BCL10: variants seen among roughly 807,000 people sequenced by gnomAD.
BCL10 encodes B-cell lymphoma/leukemia 10.
A neutral mutation model predicts 19.2 loss-of-function variants in BCL10; 5 were observed. The ratio of observed to expected loss-of-function variants is 0.26; its 90% CI spans 0.14 to 0.55. The LOEUF (loss-of-function observed/expected upper bound fraction) is 0.55. Ranked by LOEUF, BCL10 falls within the 20% of genes least tolerant of loss-of-function variation. The pLI, the probability that BCL10 is intolerant of heterozygous loss-of-function variation, is 0.94. For synonymous variants in BCL10, 110 were observed against 98.8 expected (o/e 1.11, Z -0.67); for missense variants, 201 against 271.9 (o/e 0.74, Z 1.83).
intron 2 of BCL10, among the ~76,000 whole-genome samples, chr1:85,270,380 C>T (rs187162849): frequency 2.0e-5 from 3 of 152,328 alleles, no homozygotes; most frequent in Admixed American, 2.0e-4. Flanking sequence ...TTAAGTGATC[C>T]TCCCACCTCA....
At position 85,267,729 on chromosome 1, in the gene BCL10, A is replaced by G. The variant is rs1660240667; in HGVS notation, c.600T>C (p.Ala200=). Residue 200 remains alanine, a synonymous_variant, in exon 3 of 3, where the codon GCT becomes GCC. Transcript: ENST00000648566. ...TTLPRPGDPG[A]PPLPPDLQLE... is the part of the protein sequence containing the mutation. ...ACTGTAGATCTGGTGGCAAAGGAGG[A>G]GCCCCTGGGTCCCCAGGTCTGGGAA... 1.2e-6 allele frequency: 2 copies of G among 1,614,052 alleles called. No homozygotes were observed. The highest frequency in any genetic ancestry group is 1.3e-5 in the African/African-American group (1 of 74,902).
intron 1 of BCL10, among the ~76,000 whole-genome samples, chr1:85,274,647 C>G (rs1173889953): frequency 6.6e-6 from 1 of 152,110 alleles, no homozygotes; most frequent in Non-Finnish European, 1.5e-5. Context: ...CAATATTTGA[C>G]AAGGTGAGCA....
chr1:85,271,111 T>C (rs1226200136), intron 1 of BCL10, among the ~76,000 whole-genome samples: 1 of 152,164 alleles, frequency 6.6e-6, no homozygotes, highest in Non-Finnish European at 1.5e-5. Context: ...GATCTCACCT[T>C]CAAACCTAAA....
At chr1:85,271,328 T>G (rs1660366337) in intron 1 of BCL10, among the ~76,000 whole-genome samples, 1 of 152,236 alleles carries the variant, frequency 6.6e-6, no homozygotes, top group Non-Finnish European at 1.5e-5. Flanking sequence ...AACTTTCTCA[T>G]GTTTGTTATT....
chr1:85,265,855 T>C lies in BCL10; in HGVS notation c.*1772A>G, dbSNP rs1286654697. 6.6e-6 allele frequency among the ~76,000 whole-genome samples: 1 copy of C among 152,216 alleles called. No individual in the cohort carries two copies. ...AACTCAGTGTTAAAACTTATCTATA[T>C]ATAGGTGTTATTGTATATCTAAATT... On this transcript the variant is annotated 3_prime_UTR_variant, in exon 3 of 3. Coordinates refer to ENST00000648566, the MANE Select transcript of BCL10 (RefSeq NM_003921.5).
In BCL10 at chr1:85,276,547, A is replaced by G. The variant is rs1328052869; in HGVS notation, c.-195T>C. 1.6e-6 allele frequency: 1 copy of G among 616,306 alleles called. No individual in the cohort carries two copies. Among genetic ancestry groups the G allele is most frequent in the Non-Finnish European group, 2.8e-6 (1 of 353,086 alleles). The allele number at this position is 616,306 out of a possible 1,614,324, so 38.2% of individuals were successfully genotyped here. A position where few individuals can be genotyped will look rare whatever the true frequency, so the allele number is the denominator to read the frequency against. On this transcript the variant is annotated 5_prime_UTR_variant, in exon 1 of 3. Coordinates refer to ENST00000648566, the MANE Select transcript of BCL10 (RefSeq NM_003921.5). ...CGTAGCGCTTCCGGCCCCGCCTCTG[A>G]GGTCGACGGCGACGCGAATCTACGC...
At chr1:85,271,385 A>C (rs537976530) in intron 1 of BCL10, among the ~76,000 whole-genome samples, 2 of 152,296 alleles carry the variant, frequency 1.3e-5, no homozygotes, top group South Asian at 4.1e-4. Flanking sequence ...ACAAAACCCT[A>C]AACTGAAAGA....
At chr1:85,274,885 C>A (rs1352033955) in intron 1 of BCL10, among the ~76,000 whole-genome samples, 3 of 152,080 alleles carry the variant, frequency 2.0e-5, no homozygotes, top group Non-Finnish European at 2.9e-5. Context: ...CTGATATAGG[C>A]GTAAAATGAA....
In BCL10 at chr1:85,276,487, G is replaced by A. The variant is rs1660537271; in HGVS notation, c.-135C>T. On this transcript the variant is annotated 5_prime_UTR_variant, in exon 1 of 3. Coordinates refer to ENST00000648566, the MANE Select transcript of BCL10 (RefSeq NM_003921.5). ...GGAGCGGGTCGGGAGAAAGACGGCCGCCCCTTCGGGAACAGAGGGACTCGG... is the reference window on the plus strand; with the variant it reads ...GGAGCGGGTCGGGAGAAAGACGGCCACCCCTTCGGGAACAGAGGGACTCGG... 3 of 982,060 alleles carry A rather than the reference G, an allele frequency of 3.1e-6. No individual in the cohort carries two copies. Among genetic ancestry groups the A allele is most frequent in the Middle Eastern group, 3.2e-4 (1 of 3,152 alleles). 60.8% of individuals were successfully genotyped at this position (982,060 alleles called of 1,614,324 possible). A position where few individuals can be genotyped will look rare whatever the true frequency, so the allele number is the denominator to read the frequency against.
intron 1 of BCL10, among the ~76,000 whole-genome samples, chr1:85,275,956 G>T (rs1660513853): frequency 6.6e-6 from 1 of 152,238 alleles, no homozygotes; most frequent in Non-Finnish European, 1.5e-5. Flanking sequence ...ACTTAAGGAT[G>T]AATCTGAGCC....
rs71650007 is a variant in BCL10 at position 85,266,876 on chromosome 1, CAA to C, written c.*749_*750del. On this transcript the variant is annotated 3_prime_UTR_variant, in exon 3 of 3. Transcript: ENST00000648566. Reference sequence around the variant, plus strand: ...CCTGGGCGATAGAGCAAGACTGTCTCAAAAAAAAAAAAAAAAAAAAAAGAAAA... The same window carrying C: ...CCTGGGCGATAGAGCAAGACTGTCTCAAAAAAAAAAAAAAAAAAAAGAAAA... 1,176 of 88,386 alleles carry C rather than the reference CAA, an allele frequency of 0.013. 3 individuals carry two copies. Among genetic ancestry groups the C allele is most frequent in the East Asian group, 0.03 (131 of 4,324 alleles). 5.5% of individuals were successfully genotyped at this position (88,386 alleles called of 1,614,324 possible).
intron 2 of BCL10, among the ~76,000 whole-genome samples, chr1:85,269,505 C>T (rs1660302280): frequency 6.6e-6 from 1 of 152,234 alleles, no homozygotes; most frequent in African/African-American, 2.4e-5. Flanking sequence ...TTTTCAACCT[C>T]ACAGTACAGT....
chr1:85,267,506 C>CATTTTAAA lies in BCL10; in HGVS notation c.*120_*121insTTTAAAAT. The CATTTTAAA allele has an allele frequency of 1.3e-6, 1 of 794,748 alleles. No homozygotes were observed. Among genetic ancestry groups the CATTTTAAA allele is most frequent in the Non-Finnish European group, 1.9e-6 (1 of 515,890 alleles). 49.2% of individuals were successfully genotyped at this position (794,748 alleles called of 1,614,324 possible). Reference sequence around the variant, plus strand: ...CTAAAAATCCTATTTACAAAGTATGCTTACATTGCATTTTAAAAGACATGC... The same window carrying CATTTTAAA: ...CTAAAAATCCTATTTACAAAGTATGCATTTTAAATTACATTGCATTTTAAAAGACATGC... On this transcript the variant is annotated 3_prime_UTR_variant, in exon 3 of 3. Transcript: ENST00000648566.
intron 1 of BCL10, among the ~76,000 whole-genome samples, chr1:85,272,172 C>T (rs1419135069): frequency 6.6e-6 from 1 of 152,184 alleles, no homozygotes; most frequent in African/African-American, 2.4e-5. Flanking sequence ...GCACTTACTA[C>T]TTCCTTCCCC....
In BCL10 at chr1:85,267,461, A is replaced by G; in HGVS notation, c.*166T>C. 1.7e-6 allele frequency: 1 copy of G among 589,748 alleles called. No homozygotes were observed. Among genetic ancestry groups the G allele is most frequent in the South Asian group, 2.7e-5 (1 of 37,248 alleles). The allele number at this position is 589,748 out of a possible 1,614,324, so 36.5% of individuals were successfully genotyped here. A position where few individuals can be genotyped will look rare whatever the true frequency, so the allele number is the denominator to read the frequency against. ...AACATGATTTACAGTTAGCTATCCTAGAAGTATGCTTTTTTAATTCTAAAA... is the reference window on the plus strand; with the variant it reads ...AACATGATTTACAGTTAGCTATCCTGGAAGTATGCTTTTTTAATTCTAAAA... On this transcript the variant is annotated 3_prime_UTR_variant, in exon 3 of 3. Coordinates refer to ENST00000648566, the MANE Select transcript of BCL10 (RefSeq NM_003921.5).
intron 1 of BCL10, 86 bp downstream of exon 1, chr1:85,276,210 T>A (rs1660522907): frequency 3.3e-6 from 5 of 1,522,088 alleles, no homozygotes; most frequent in Middle Eastern, 1.7e-4. Flanking sequence ...GGATCCTCCT[T>A]GTCCTCGGAC....
At chr1:85,271,076 G>C (rs1660359204) in intron 1 of BCL10, among the ~76,000 whole-genome samples, 170 bp from the exon 2 acceptor site, 1 of 152,162 alleles carries the variant, frequency 6.6e-6, no homozygotes, top group South Asian at 2.1e-4. Context: ...GACACAAGTA[G>C]GTCCTAGACA....
intron 1 of BCL10, among the ~76,000 whole-genome samples, chr1:85,272,427 G>A (rs1259993163): frequency 4.9e-5 from 7 of 143,858 alleles, no homozygotes; most frequent in Non-Finnish European, 9.1e-5. Flanking sequence ...TTTTTGTAGA[G>A]AAGGGATCTT....
In BCL10 at chr1:85,276,579, A is replaced by G. The variant is rs1013410613; in HGVS notation, c.-227T>C. 17 of 597,906 alleles carry G rather than the reference A, an allele frequency of 2.8e-5. No homozygotes were observed. The highest frequency in any genetic ancestry group is 4.8e-5 in the Non-Finnish European group (16 of 336,820). 37.0% of individuals were successfully genotyped at this position (597,906 alleles called of 1,614,324 possible). A position where few individuals can be genotyped will look rare whatever the true frequency, so the allele number is the denominator to read the frequency against. On this transcript the variant is annotated 5_prime_UTR_variant, in exon 1 of 3. Coordinates refer to ENST00000648566, the MANE Select transcript of BCL10 (RefSeq NM_003921.5). ...CGGCGACGCGAATCTACGCGACGCG[A>G]CGCGGAGCTCGGAGCAGCGTTCCTT... is the stretch of plus-strand genomic sequence containing the variant.
Sources: gnomAD v4.1 joint callset for allele counts (sites outside exome capture counted in the v4.1 genomes callset) on GRCh38, gnomAD v4.1.1 for gene constraint, MANE v1.5 for transcripts, NCBI Gene and HGNC (gene_info 2026-07-23, HGNC 2026-07-21) for gene names.